GREB1L: variants seen among roughly 807,000 people sequenced by gnomAD.
The protein encoded by GREB1L is GREB1 like retinoic acid receptor coactivator.
Under a neutral mutation model 200.8 loss-of-function variants are expected in GREB1L, and 17 were observed. The ratio of observed to expected loss-of-function variants is 0.08; its 90% confidence interval spans 0.06 to 0.13. The LOEUF is 0.13. Among genes scored for constraint, GREB1L ranks in the 10% least tolerant of loss-of-function variants. The pLI is 1.00. For synonymous variants in GREB1L, 789 were observed against 893.0 expected (o/e 0.88, Z 2.08); for missense variants, 1,657 against 2,367.7 (o/e 0.70, Z 6.23).
At chr18:21,502,275 G>A (rs1224179814) in intron 23 of GREB1L, among the ~76,000 whole-genome samples, 6 of 151,524 alleles carry the variant, frequency 4.0e-5, no homozygotes, top group South Asian at 4.2e-4. Flanking sequence ...AGAAGAAGAA[G>A]AATAGTGTGG....
At chr18:21,267,274 C>T (rs1432938771) in intron 1 of GREB1L, among the ~76,000 whole-genome samples, 2 of 150,838 alleles carry the variant, frequency 1.3e-5, no homozygotes, top group Non-Finnish European at 3.0e-5. Flanking sequence ...CTCTGCCTCC[C>T]GGGTTCAAGC....
intron 1 of GREB1L, among the ~76,000 whole-genome samples, chr18:21,318,812 CAAG>C (rs148911261): frequency 0.018 from 2,700 of 152,180 alleles, 77 homozygotes; most frequent in African/African-American, 0.06. Flanking sequence ...GCCCACTGAC[CAAG>C]AAGAGCTGGG....
intron 4 of GREB1L, among the ~76,000 whole-genome samples, chr18:21,389,398 CTT>C (rs11302945): frequency 1.3e-4 from 16 of 126,262 alleles, no homozygotes; most frequent in African/African-American, 2.9e-4. Flanking sequence ...AACCTCTTGA[CTT>C]TTTTTTTTTT....
intron 12 of GREB1L, among the ~76,000 whole-genome samples, chr18:21,450,304 G>C (rs1284854089): frequency 6.6e-6 from 1 of 152,036 alleles, no homozygotes; most frequent in Non-Finnish European, 1.5e-5. Context: ...AAAATTGGGG[G>C]GTGGGAGGGG....
chr18:21,279,681 C>T lies in GREB1L; in HGVS notation c.-120+37288C>T, dbSNP rs537027411. On this transcript the variant is annotated intron_variant, in intron 1 of 32. Coordinates refer to ENST00000424526, the MANE Select transcript of GREB1L (RefSeq NM_001142966.3). ...AGAGGTGGGGTCTTGCTATGTTGCCCAGGCTGGAGTGCAGTGGTTTTTCAC... is the reference window on the plus strand; with the variant it reads ...AGAGGTGGGGTCTTGCTATGTTGCCTAGGCTGGAGTGCAGTGGTTTTTCAC... Among the ~76,000 whole-genome samples the T allele has an allele frequency of 1.4e-4, 21 of 152,136 alleles. No individual in the cohort carries two copies. The East Asian group carries it at 3.5e-3, about 25-fold the overall frequency.
intron 15 of GREB1L, among the ~76,000 whole-genome samples, chr18:21,469,576 G>A (rs2035401299): frequency 6.6e-6 from 1 of 152,116 alleles, no homozygotes; most frequent in Non-Finnish European, 1.5e-5. Flanking sequence ...ATGAAAATGT[G>A]GGCGTTAAGT....
chr18:21,254,162 C>G (rs4800557), intron 1 of GREB1L, among the ~76,000 whole-genome samples: 22,165 of 150,020 alleles, frequency 0.15, 3,600 homozygotes, highest in African/African-American at 0.4. Context: ...TTCCACCTCC[C>G]GGGTTCAAGC....
intron 1 of GREB1L, among the ~76,000 whole-genome samples, chr18:21,295,124 T>C (rs1273933827): frequency 1.3e-5 from 2 of 152,228 alleles, no homozygotes; most frequent in South Asian, 2.1e-4. Context: ...ATGTCTCTTC[T>C]TTTTCTGTAT....
chr18:21,446,226 T>C (rs2145346418), intron 11 of GREB1L, among the ~76,000 whole-genome samples: 1 of 152,336 alleles, frequency 6.6e-6, no homozygotes, highest in South Asian at 2.1e-4. Flanking sequence ...GGTTTCACCA[T>C]GTTGGCCAGG....
In GREB1L at chr18:21,513,909, G is replaced by C; in HGVS notation, c.4824G>C (p.Gln1608His). The C allele has an allele frequency of 6.4e-7, 1 of 1,551,648 alleles. No homozygotes were observed. Among genetic ancestry groups the C allele is most frequent in the Non-Finnish European group, 8.7e-7 (1 of 1,146,926 alleles). ...TGGAGGAGCTAGGCATTAAACGCCA[G>C]TGTGTCTGGCCTTTCATCGTCATGA... is the stretch of plus-strand genomic sequence containing the variant. Reference protein sequence around the residue: ...NRLEELGIKRQCVWPFIVMMD... With the variant: ...NRLEELGIKRHCVWPFIVMMD... The change falls in exon 28 of 33, where the codon CAG becomes CAC. Residue 1608 changes from glutamine (Q) to histidine (H), a missense_variant. Coordinates refer to ENST00000424526, the MANE Select transcript of GREB1L (RefSeq NM_001142966.3).
chr18:21,292,422 A>T (rs1272415886), intron 1 of GREB1L, among the ~76,000 whole-genome samples: 2 of 152,214 alleles, frequency 1.3e-5, no homozygotes, highest in Admixed American at 1.3e-4. Context: ...TGTTATTTGT[A>T]TATTCAGAGG....
intron 27 of GREB1L, among the ~76,000 whole-genome samples, chr18:21,512,035 T>G (rs2037258612): frequency 6.6e-6 from 1 of 152,184 alleles, no homozygotes; most frequent in Non-Finnish European, 1.5e-5. Flanking sequence ...ATGAGAGGGT[T>G]TATTTCTGGG....
In GREB1L at chr18:21,449,674, G is replaced by A. The variant is rs1474031482; in HGVS notation, c.1558G>A (p.Asp520Asn). 4 of 1,551,564 alleles carry A rather than the reference G, an allele frequency of 2.6e-6. No homozygotes were observed. Among genetic ancestry groups the A allele is most frequent in the Non-Finnish European group, 3.5e-6 (4 of 1,146,992 alleles). Residue 520 changes from aspartate to asparagine, a missense_variant, in exon 12 of 33, where the codon GAC (aspartate) becomes AAC (asparagine). Physicochemically the swap from Asp to Asn is conservative, Grantham distance 23. Around this residue, in one of 9 missense-constraint regions of GREB1L, gnomAD observed 289 missense variants for 345.1 expected, o/e 0.84. Coordinates refer to ENST00000424526, the MANE Select transcript of GREB1L (RefSeq NM_001142966.3). The part of the protein sequence containing the change: ...LARLIASVSQ[D>N]LVHVVVTQNS... ...TAGATTAATTGCCAGCGTATCTCAA[G>A]ACTTGGTTCATGTGGTTGTGACCCA...
intron 1 of GREB1L, among the ~76,000 whole-genome samples, chr18:21,338,102 C>T (rs1435394059): frequency 1.3e-5 from 2 of 152,102 alleles, no homozygotes; most frequent in Non-Finnish European, 2.9e-5. Flanking sequence ...TCTCTTAATC[C>T]AAATAAGTGG....
intron 7 of GREB1L, among the ~76,000 whole-genome samples, 171 bp from the exon 8 acceptor site, chr18:21,439,350 T>A (rs73425736): frequency 6.6e-6 from 1 of 152,192 alleles, no homozygotes; most frequent in African/African-American, 2.4e-5. Context: ...TTAATTTTAA[T>A]GAAGATCTTC....
At chr18:21,367,042 T>C (rs535528679) in intron 2 of GREB1L, among the ~76,000 whole-genome samples, 5 of 152,244 alleles carry the variant, frequency 3.3e-5, no homozygotes, top group Admixed American at 3.3e-4. Context: ...GCCTTTTTGA[T>C]ATGGGAGGCA....
intron 2 of GREB1L, among the ~76,000 whole-genome samples, chr18:21,370,832 C>T (rs1277404831): frequency 6.6e-6 from 1 of 152,044 alleles, no homozygotes; most frequent in Non-Finnish European, 1.5e-5. Flanking sequence ...TAATTCCACA[C>T]TTTGAGAGCC....
intron 1 of GREB1L, among the ~76,000 whole-genome samples, chr18:21,286,046 C>A (rs1341234153): frequency 5.9e-5 from 9 of 152,078 alleles, no homozygotes; most frequent in African/African-American, 1.9e-4. Context: ...TTATAAAATG[C>A]AAGAAACATA....
intron 1 of GREB1L, among the ~76,000 whole-genome samples, chr18:21,360,982 G>A (rs1160152941): frequency 6.6e-6 from 1 of 152,068 alleles, no homozygotes; most frequent in Non-Finnish European, 1.5e-5. Context: ...GGATAACAAG[G>A]GTAGAATAAA....
Sources: allele counts gnomAD v4.1 joint callset (sites outside exome capture counted in the v4.1 genomes callset), GRCh38; gene constraint gnomAD v4.1.1; regional missense constraint gnomAD v4.1.1; transcripts MANE v1.5; gene names NCBI Gene and HGNC (gene_info 2026-07-23, HGNC 2026-07-21).